Variants in TRIM37 observed in about 807,000 individuals in gnomAD.
TRIM37 encodes the protein E3 ubiquitin-protein ligase TRIM37.
TRIM37 carries 80 observed loss-of-function variants against 129.8 expected under a neutral mutation model. That is an observed-to-expected ratio of 0.62 (90% CI 0.51 to 0.74). The LOEUF is 0.74. Ranked by LOEUF, TRIM37 falls within the 30% of genes least tolerant of loss-of-function variation. The pLI is 0.00. For missense variants in TRIM37, 1,054 were observed against 1,176.5 expected, an observed-to-expected ratio of 0.90 and a Z score of 1.52; for synonymous variants, 389 against 387.1, an observed-to-expected ratio of 1.00 and a Z score of -0.06.
At chr17:58,995,418 AAG>A (rs2032890565), downstream of TRIM37, among the ~76,000 whole-genome samples, 1 of 151,986 alleles carries the variant, frequency 6.6e-6, no homozygotes, top group African/African-American at 2.4e-5. Flanking sequence ...AAAAAAAAAA[AAG>A]AAGAATGAGA....
downstream of TRIM37, chr17:58,981,256 T>C (rs1424900686): frequency 1.0e-5 from 5 of 493,174 alleles, no homozygotes; most frequent in Non-Finnish European, 1.4e-5. Context: ...GTCCCTGTGA[T>C]GTGTCTCGAC....
intron 2 of TRIM37, among the ~76,000 whole-genome samples, chr17:59,101,822 C>G (rs1287840399): frequency 6.7e-6 from 1 of 148,720 alleles, no homozygotes; most frequent in Admixed American, 6.7e-5. Flanking sequence ...GCTGATACTC[C>G]CAGCAACTTG....
At chr17:59,025,571 C>T (rs1053129658) in intron 19 of TRIM37, among the ~76,000 whole-genome samples, 5 of 151,954 alleles carry the variant, frequency 3.3e-5, no homozygotes, top group Non-Finnish European at 2.9e-5. Flanking sequence ...TTCCAGGACC[C>T]CTGCGTATAC....
At chr17:59,060,326 G>A (rs1164486477) in intron 12 of TRIM37, among the ~76,000 whole-genome samples, 1 of 151,370 alleles carries the variant, frequency 6.6e-6, no homozygotes, top group African/African-American at 2.4e-5. Flanking sequence ...GTTGTTTCAT[G>A]AGGTCTTTTT....
intron 19 of TRIM37, among the ~76,000 whole-genome samples, chr17:59,024,949 G>A (rs1335887729): frequency 6.6e-6 from 1 of 152,186 alleles, no homozygotes; most frequent in African/African-American, 2.4e-5. Flanking sequence ...TCCTATCATA[G>A]TATTACAAAC....
chr17:59,087,930 T>C (rs1340344786), intron 4 of TRIM37: 5 of 370,344 alleles, frequency 1.4e-5, no homozygotes, highest in Middle Eastern at 7.6e-4. Flanking sequence ...ATAAGACCAT[T>C]TATTCATTCT....
intron 19 of TRIM37, among the ~76,000 whole-genome samples, chr17:59,020,314 G>A (rs921419275): frequency 7.1e-6 from 1 of 140,012 alleles, no homozygotes; most frequent in Admixed American, 7.2e-5. Context: ...GACAATGGAT[G>A]AAATAAATCT....
At chr17:59,000,320 G>T (rs1442013588) in intron 23 of TRIM37, among the ~76,000 whole-genome samples, 1 of 152,118 alleles carries the variant, frequency 6.6e-6, no homozygotes. Context: ...TTTAGGTAGG[G>T]CTGGCATGGT....
intron 24 of TRIM37, among the ~76,000 whole-genome samples, chr17:58,989,106 A>G (rs1489838247): frequency 6.6e-6 from 1 of 152,248 alleles, no homozygotes; most frequent in Non-Finnish European, 1.5e-5. Flanking sequence ...AGAAGAAAAC[A>G]TTCTGAAGAT....
chr17:59,031,176 A>C (rs1216215804), intron 18 of TRIM37, among the ~76,000 whole-genome samples: 1 of 152,200 alleles, frequency 6.6e-6, no homozygotes, highest in Non-Finnish European at 1.5e-5. Context: ...ATCTTGCCTT[A>C]AAACTACATC....
intron 2 of TRIM37, among the ~76,000 whole-genome samples, chr17:59,094,752 GAAAAACAAAAAC>G (rs764299085): frequency 2.2e-4 from 33 of 151,396 alleles, no homozygotes; most frequent in South Asian, 4.2e-4. Context: ...TTGGCATGGT[GAAAAACAAAAAC>G]AAAAACAAAA....
chr17:59,007,139 A>C (rs1351724849), intron 22 of TRIM37, among the ~76,000 whole-genome samples: 2 of 110,886 alleles, frequency 1.8e-5, no homozygotes, highest in African/African-American at 3.5e-5. Flanking sequence ...AAGATAAAAC[A>C]ACCCCACCCC....
In TRIM37 at chr17:59,013,826, C is replaced by T. The variant is rs150801563; in HGVS notation, c.2577-1380G>A. Among the ~76,000 whole-genome samples, 279 of 152,202 alleles carry T rather than the reference C, an allele frequency of 1.8e-3. 3 individuals are homozygous for T. Among genetic ancestry groups the T allele is most frequent in the African/African-American group, 6.4e-3 (266 of 41,516 alleles). ...TACAGGTGTGTGCCACTGTGCCCAG[C>T]CTTTCATTAGTATTTAAACTTTTTG... is the stretch of plus-strand genomic sequence containing the variant. On this transcript the variant is annotated intron_variant, in intron 21 of 23. Transcript: ENST00000262294.
intron 13 of TRIM37, among the ~76,000 whole-genome samples, chr17:59,053,919 C>T (rs951898635): frequency 6.9e-6 from 1 of 143,896 alleles, no homozygotes; most frequent in African/African-American, 2.6e-5. Context: ...GGCAATATAG[C>T]AAGACACTGA....
chr17:59,076,059 C>T (rs2042785909), intron 7 of TRIM37, among the ~76,000 whole-genome samples: 1 of 152,134 alleles, frequency 6.6e-6, no homozygotes, highest in Admixed American at 6.6e-5. Context: ...GAATTTCATT[C>T]AATCAGCTAT....
chr17:59,082,289 AAATAATAAT>A (rs1475166312), intron 5 of TRIM37, among the ~76,000 whole-genome samples: 1 of 151,980 alleles, frequency 6.6e-6, no homozygotes, highest in African/African-American at 2.4e-5. Context: ...AAAACAAAAC[AAATAATAAT>A]AATAATTCTC....
Position 59,019,632 on chromosome 17 carries a change from C to T in TRIM37, c.2258-2208G>A, listed in dbSNP as rs1047619373. ...CTGAGGCAGGAGAATGGCGTGAACC[C>T]GGGAAGCGGAGCTTGCAGTGAGCCG... On this transcript the variant is annotated intron_variant, in intron 19 of 23. Transcript: ENST00000262294. 9.9e-5 allele frequency among the ~76,000 whole-genome samples: 15 copies of T among 151,886 alleles called. No individual in the cohort carries two copies. The East Asian group carries it at 2.3e-3, about 24-fold the overall frequency.
At chr17:59,012,127 G>T (rs960130263) in intron 22 of TRIM37, among the ~76,000 whole-genome samples, 2 of 151,954 alleles carry the variant, frequency 1.3e-5, no homozygotes, top group Non-Finnish European at 2.9e-5. Flanking sequence ...GTGGCACAAG[G>T]AATGTTGTGT....
Position 59,070,677 on chromosome 17 carries a change from G to C in TRIM37, c.809+146C>G, listed in dbSNP as rs2042284299. On this transcript the variant is annotated intron_variant, in intron 9 of 23. Transcript: ENST00000262294. ...AAATCACTTGAGTCCAGGAGTTTGA[G>C]ACCAGCCTGGGCAACAAGTGAGACC... 1.0e-4 allele frequency: 94 copies of C among 896,104 alleles called. 1 individual carries two copies. In the South Asian group the frequency reaches 1.6e-3, roughly 15 times the overall value. The allele number at this position is 896,104 out of a possible 1,614,324, so 55.5% of individuals were successfully genotyped here. A position where few individuals can be genotyped will look rare whatever the true frequency, so the allele number is the denominator to read the frequency against.
Sources: gnomAD v4.1 joint callset for allele counts (sites outside exome capture counted in the v4.1 genomes callset) on GRCh38, gnomAD v4.1.1 for gene constraint, MANE v1.5 for transcripts, NCBI Gene and HGNC (gene_info 2026-07-23, HGNC 2026-07-21) for gene names.